TNS1: variants seen among roughly 807,000 people sequenced by gnomAD.
TNS1 encodes tensin-1.
A neutral mutation model predicts 168.6 loss-of-function variants in TNS1; 62 were observed. The ratio of observed to expected loss-of-function variants is 0.37; its 90% confidence interval spans 0.30 to 0.45. The LOEUF is 0.45. TNS1 is among the 20% of genes least tolerant of loss of function. The pLI, the probability that TNS1 is intolerant of heterozygous loss-of-function variation, is 1.00. For synonymous variants in TNS1, 934 were observed against 933.2 expected, an observed-to-expected ratio of 1.00 and a Z score of -0.02; for missense variants, 2,240 against 2,339.4, an observed-to-expected ratio of 0.96 and a Z score of 0.88.
chr2:217,915,398 T>C (rs1040608336), intron 4 of TNS1, among the ~76,000 whole-genome samples: 2 of 152,192 alleles, frequency 1.3e-5, no homozygotes, highest in African/African-American at 2.4e-5. Flanking sequence ...CAAAGTCCTC[T>C]CCACCCTGTG....
At chr2:217,926,320 A>G (rs572775572) in intron 3 of TNS1, among the ~76,000 whole-genome samples, 10 of 152,214 alleles carry the variant, frequency 6.6e-5, no homozygotes, top group Non-Finnish European at 1.2e-4. Context: ...TCATATTTTC[A>G]AGAGTCATTC....
At chr2:217,964,149 A>C (rs551939550) in intron 3 of TNS1, among the ~76,000 whole-genome samples, 1 of 152,248 alleles carries the variant, frequency 6.6e-6, no homozygotes, top group Non-Finnish European at 1.5e-5. Flanking sequence ...CACTTCCTCC[A>C]CCCAACCCAA....
chr2:217,928,114 G>A (rs1024232540), intron 3 of TNS1, among the ~76,000 whole-genome samples: 2 of 152,246 alleles, frequency 1.3e-5, no homozygotes, highest in Non-Finnish European at 2.9e-5. Flanking sequence ...AACCAGGAGG[G>A]AGGCAGGCCT....
chr2:217,978,842 G>C, intron 2 of TNS1, 40 bp from the exon 3 acceptor site: 1 of 702,122 alleles, frequency 1.4e-6, no homozygotes, highest in East Asian at 2.7e-5. Context: ...TTTTAGCCGC[G>C]AGGTATGAAA....
At chr2:217,906,993 C>T (rs1953785617) in intron 5 of TNS1, among the ~76,000 whole-genome samples, 1 of 152,202 alleles carries the variant, frequency 6.6e-6, no homozygotes, top group Non-Finnish European at 1.5e-5. Flanking sequence ...GCCCAGTTGC[C>T]TAGCAGCCCA....
At chr2:217,896,441 C>T (rs1023258749) in intron 8 of TNS1, among the ~76,000 whole-genome samples, 4 of 152,186 alleles carry the variant, frequency 2.6e-5, no homozygotes, top group African/African-American at 9.7e-5. Context: ...GAAGAGAAGA[C>T]ACACAGAGAG....
intron 3 of TNS1, among the ~76,000 whole-genome samples, chr2:217,950,676 G>A (rs1013630036): frequency 3.3e-5 from 5 of 150,510 alleles, no homozygotes; most frequent in African/African-American, 7.3e-5. Context: ...AGGCATCCTC[G>A]CCCAAAGCCC....
At chr2:217,940,448 G>A (rs1018375207) in intron 3 of TNS1, among the ~76,000 whole-genome samples, 1 of 152,088 alleles carries the variant, frequency 6.6e-6, no homozygotes, top group African/African-American at 2.4e-5. Flanking sequence ...TGTCCCCCTC[G>A]CTCCTGCCCT....
intron 25 of TNS1, 152 bp downstream of exon 25, chr2:217,814,760 T>A: frequency 1.7e-6 from 1 of 600,794 alleles, no homozygotes; most frequent in Non-Finnish European, 3.0e-6. Flanking sequence ...CTGCAGGAAG[T>A]GCTTCCTACT....
chr2:217,932,385 G>A (rs989576337), intron 3 of TNS1, among the ~76,000 whole-genome samples: 3 of 152,196 alleles, frequency 2.0e-5, no homozygotes, highest in African/African-American at 7.2e-5. Context: ...GATCATCTTT[G>A]CAGAGTGGCT....
At chr2:218,015,153 G>A (rs573411728), upstream of TNS1, among the ~76,000 whole-genome samples, 91 of 152,144 alleles carry the variant, frequency 6.0e-4, no homozygotes, top group African/African-American at 2.2e-3. Context: ...ACTGATTCCG[G>A]TTAAACTTGA....
At chr2:217,937,601 G>A (rs1004653993) in intron 3 of TNS1, among the ~76,000 whole-genome samples, 9 of 152,300 alleles carry the variant, frequency 5.9e-5, no homozygotes, top group Middle Eastern at 3.4e-3. Flanking sequence ...GGGGCAGGGC[G>A]GGGAGGGAAG....
chr2:217,982,506 C>T (rs957450806), intron 2 of TNS1, among the ~76,000 whole-genome samples: 2 of 151,330 alleles, frequency 1.3e-5, no homozygotes, highest in African/African-American at 2.4e-5. Context: ...CAGGCTCAAG[C>T]GATCCTCCCA....
At chr2:217,913,326 A>G (rs1220034348) in intron 4 of TNS1, among the ~76,000 whole-genome samples, 1 of 152,134 alleles carries the variant, frequency 6.6e-6, no homozygotes, top group Non-Finnish European at 1.5e-5. Flanking sequence ...CCCTTCTCCT[A>G]ATTCACCCCA....
chr2:217,983,476 G>A (rs574029534), intron 2 of TNS1, among the ~76,000 whole-genome samples: 1 of 152,256 alleles, frequency 6.6e-6, no homozygotes, highest in South Asian at 2.1e-4. Context: ...GAGCCCCTTA[G>A]TGGGAAGGGA....
At chr2:217,934,412 G>A (rs761677444) in intron 3 of TNS1, among the ~76,000 whole-genome samples, 8 of 152,262 alleles carry the variant, frequency 5.3e-5, no homozygotes, top group South Asian at 2.1e-4. Context: ...GAGAATTTCC[G>A]GAGCCCCAGA....
intron 22 of TNS1, among the ~76,000 whole-genome samples, chr2:217,830,792 GCC>G (rs1490078493): frequency 1.3e-5 from 2 of 152,248 alleles, no homozygotes; most frequent in African/African-American, 2.4e-5. Flanking sequence ...AGAGTCAGAA[GCC>G]CGGAGGTGGC....
chr2:217,952,497 C>T (rs891334453), intron 3 of TNS1, among the ~76,000 whole-genome samples: 4 of 152,216 alleles, frequency 2.6e-5, no homozygotes, highest in African/African-American at 7.2e-5. Flanking sequence ...CAAAAGCCAG[C>T]AGCAGCCTGC....
chr2:217,847,281 CTTG>C (rs1473587058), intron 19 of TNS1, among the ~76,000 whole-genome samples: 6 of 152,218 alleles, frequency 3.9e-5, no homozygotes, highest in Non-Finnish European at 8.8e-5. Context: ...CTGTAAATTT[CTTG>C]AGGGCAGGAA....
Sources: gnomAD v4.1 joint callset for allele counts (sites outside exome capture counted in the v4.1 genomes callset) on GRCh38, gnomAD v4.1.1 for gene constraint, MANE v1.5 for transcripts, NCBI Gene and HGNC (gene_info 2026-07-23, HGNC 2026-07-21) for gene names.